The following CDK12 variants were observed in gnomAD, a reference collection of about 807,000 sequenced individuals.
CDK12 encodes cyclin dependent kinase 12.
Under a neutral mutation model 133.8 loss-of-function variants are expected in CDK12, and 17 were observed. The ratio of observed to expected loss-of-function variants is 0.13; its 90% CI spans 0.09 to 0.19. CDK12 has a LOEUF of 0.19. CDK12 is among the 10% of genes least tolerant of loss of function. The probability of loss-of-function intolerance (pLI) is 1.00; values close to 1 mark genes in which losing one functional copy is unlikely to be tolerated. For missense variants in CDK12, 1,508 were observed against 1,818.7 expected (o/e 0.83, Z 3.11); for synonymous variants, 694 against 683.6 (o/e 1.02, Z -0.24).
chr17:39,494,505 T>C lies in CDK12; in HGVS notation c.2249-19T>C. The C allele has an allele frequency of 6.2e-7, 1 of 1,611,998 alleles. No individual in the cohort carries two copies. On this transcript the variant is annotated intron_variant, in intron 4 of 13. Coordinates refer to ENST00000447079, the MANE Select transcript of CDK12 (RefSeq NM_016507.4). ...CAAAAATGCTCATTGATAATAACAG[T>C]TTACATTTGTTTTGGCAGGAGAACT... is the stretch of plus-strand genomic sequence containing the variant.
At chr17:39,482,961 G>A (rs2050839028) in intron 2 of CDK12, among the ~76,000 whole-genome samples, 3 of 147,072 alleles carry the variant, frequency 2.0e-5, no homozygotes, top group Admixed American at 6.9e-5. Context: ...CCTCTAGGCT[G>A]GAGTACAGTG....
rs1404722292 is a variant in CDK12, at chr17:39,462,326, T to C, written c.255T>C (p.Asp85=). ...GCTCTGATTCCGACACCTTCTCCGA[T>C]GACATGGCCTTCAAACTAGACCGAA... The part of the protein sequence containing the change: ...DISSDSDTFS[D]DMAFKLDRRE... Residue 85 remains aspartate, a synonymous_variant, in exon 1 of 14, where the codon GAT becomes GAC. Coordinates refer to ENST00000447079, the MANE Select transcript of CDK12 (RefSeq NM_016507.4). 2 of 1,614,070 alleles carry C rather than the reference T, an allele frequency of 1.2e-6. No homozygotes were observed. The highest frequency in any genetic ancestry group is 2.7e-5 in the African/African-American group (2 of 74,926).
chr17:39,483,747 C>T (rs1356399550), intron 2 of CDK12, among the ~76,000 whole-genome samples: 1 of 150,868 alleles, frequency 6.6e-6, no homozygotes, highest in African/African-American at 2.4e-5. Flanking sequence ...GAGGCGGATT[C>T]TTACTCTCAT....
At chr17:39,503,508 A>G (rs1447016339) in intron 6 of CDK12, among the ~76,000 whole-genome samples, 1 of 152,200 alleles carries the variant, frequency 6.6e-6, no homozygotes, top group Non-Finnish European at 1.5e-5. Flanking sequence ...GGCCTATAGT[A>G]TAATATACTT....
chr17:39,512,547 T>A (rs1055694435), intron 8 of CDK12, among the ~76,000 whole-genome samples: 14 of 152,232 alleles, frequency 9.2e-5, no homozygotes, highest in African/African-American at 3.4e-4. Context: ...ATTAGGGCAG[T>A]TCTAAATGAG....
At chr17:39,527,097 C>T (rs1338542297) in intron 13 of CDK12, among the ~76,000 whole-genome samples, 1 of 152,168 alleles carries the variant, frequency 6.6e-6, no homozygotes, top group Non-Finnish European at 1.5e-5. Flanking sequence ...TTTTTAACTC[C>T]TCGGAAATTC....
rs866483767 is a variant in CDK12 at position 39,471,011 on chromosome 17, C to T, written c.1179C>T (p.Ser393=). 2 of 1,614,120 alleles carry T rather than the reference C, an allele frequency of 1.2e-6. No individual in the cohort carries two copies. ...CACCTGTCAGGCTTCCACTTAATTC[C>T]AGTCTGGGAGCTGAACTCAGTAGGA... The part of the protein sequence containing the change: ...SISPVRLPLN[S]SLGAELSRKK... The change falls in exon 2 of 14, where the codon TCC becomes TCT. Residue 393 remains serine, a synonymous_variant. Coordinates refer to ENST00000447079, the MANE Select transcript of CDK12 (RefSeq NM_016507.4).
At chr17:39,545,864 C>T (rs1286928719), upstream of CDK12, among the ~76,000 whole-genome samples, 10 of 150,276 alleles carry the variant, frequency 6.7e-5, no homozygotes, top group South Asian at 1.0e-3. Flanking sequence ...GGCACGATCT[C>T]GGCTCACTGC....
At chr17:39,538,908 C>A (rs12941231), downstream of CDK12, among the ~76,000 whole-genome samples, 24,797 of 68,380 alleles carry the variant, frequency 0.36, 2,312 homozygotes, top group South Asian at 0.52. Flanking sequence ...CAAATAAATA[C>A]ATACATACAT....
intron 6 of CDK12, among the ~76,000 whole-genome samples, chr17:39,501,677 T>G: frequency 6.6e-6 from 1 of 152,210 alleles, no homozygotes; most frequent in East Asian, 1.9e-4. Context: ...ATTGGCCTTT[T>G]CTGCCTAGTA....
intron 13 of CDK12, among the ~76,000 whole-genome samples, chr17:39,527,801 C>G (rs1488166623): frequency 6.6e-6 from 1 of 152,184 alleles, no homozygotes; most frequent in African/African-American, 2.4e-5. Flanking sequence ...CCCGCCTCAG[C>G]CTCCCATAGT....
At chr17:39,476,853 C>T (rs1223002971) in intron 2 of CDK12, among the ~76,000 whole-genome samples, 1 of 150,182 alleles carries the variant, frequency 6.7e-6, no homozygotes. Flanking sequence ...TCCTGAGTAG[C>T]TTGGATTACG....
intron 2 of CDK12, among the ~76,000 whole-genome samples, chr17:39,554,705 G>A (rs1480011321): frequency 6.6e-6 from 1 of 151,682 alleles, no homozygotes; most frequent in Non-Finnish European, 1.5e-5. Flanking sequence ...ATGGTGAAAC[G>A]CCGTCTCTAC....
intron 4 of CDK12, among the ~76,000 whole-genome samples, chr17:39,493,357 T>G (rs1479141952): frequency 6.6e-6 from 1 of 151,472 alleles, no homozygotes; most frequent in Non-Finnish European, 1.5e-5. Flanking sequence ...CAGTCTGGAG[T>G]GCAGTGAGTG....
chr17:39,471,861 C>A, intron 2 of CDK12, 98 bp downstream of exon 2: 6 of 1,031,316 alleles, frequency 5.8e-6, no homozygotes, highest in Non-Finnish European at 8.5e-6. Flanking sequence ...GTTTTATGAA[C>A]AGGAAATGTC....
At chr17:39,542,265 C>T (rs1177944573) in intron 1 of CDK12, among the ~76,000 whole-genome samples, 1 of 151,810 alleles carries the variant, frequency 6.6e-6, no homozygotes, top group East Asian at 1.9e-4. Flanking sequence ...CGGCTCACTG[C>T]AACCTCCACC....
intron 10 of CDK12, among the ~76,000 whole-genome samples, chr17:39,518,624 T>A (rs2053964718): frequency 6.6e-6 from 1 of 151,956 alleles, no homozygotes; most frequent in African/African-American, 2.4e-5. Context: ...AGTGACGCGA[T>A]CTTGGCTCAC....
intron 13 of CDK12, among the ~76,000 whole-genome samples, chr17:39,529,691 G>A (rs184841539): frequency 8.9e-4 from 135 of 152,256 alleles, no homozygotes; most frequent in African/African-American, 3.0e-3. Flanking sequence ...CATTTAGGCA[G>A]CAGTGGAAAA....
chr17:39,526,406 T>C lies in CDK12; in HGVS notation c.3760+90T>C, dbSNP rs1012722732. Reference sequence around the variant, plus strand: ...TAACATTTTTTTTCCCCCACATCAATGGCCTTGGTTTCAGTTATTCTGTAA... The same window carrying C: ...TAACATTTTTTTTCCCCCACATCAACGGCCTTGGTTTCAGTTATTCTGTAA... On this transcript the variant is annotated intron_variant, in intron 13 of 13. Transcript: ENST00000447079. The C allele has an allele frequency of 5.4e-5, 51 of 938,750 alleles. No homozygotes were observed. In the African/African-American group the frequency reaches 8.2e-4, roughly 15 times the overall value. 58.2% of individuals were successfully genotyped at this position (938,750 alleles called of 1,614,324 possible). A position where few individuals can be genotyped will look rare whatever the true frequency, so the allele number is the denominator to read the frequency against.
Sources: allele counts gnomAD v4.1 joint callset (sites outside exome capture counted in the v4.1 genomes callset), GRCh38; gene constraint gnomAD v4.1.1; transcripts MANE v1.5; gene names NCBI Gene and HGNC (gene_info 2026-07-23, HGNC 2026-07-21).